Variants in PTPRT observed in about 807,000 individuals in gnomAD.
The protein encoded by PTPRT is protein tyrosine phosphatase receptor type T, also known as receptor-type tyrosine-protein phosphatase T.
Under a neutral mutation model 176.8 loss-of-function variants are expected in PTPRT, and 56 were observed. That is an observed-to-expected ratio of 0.32 (90% confidence interval 0.26 to 0.40). PTPRT has a LOEUF of 0.40. PTPRT is among the 10% of genes least tolerant of loss of function. The pLI is 1.00. For synonymous variants in PTPRT, 783 were observed against 739.0 expected (o/e 1.06, Z -0.96); for missense variants, 1,540 against 1,908.2 (o/e 0.81, Z 3.60).
chr20:42,299,476 G>A (rs1362263577), intron 12 of PTPRT, among the ~76,000 whole-genome samples: 1 of 151,812 alleles, frequency 6.6e-6, no homozygotes, highest in African/African-American at 2.4e-5. Context: ...TAATATTTCT[G>A]GAAATACTTC....
chr20:43,156,325 G>A (rs1215962881), intron 1 of PTPRT, among the ~76,000 whole-genome samples: 1 of 152,166 alleles, frequency 6.6e-6, no homozygotes, highest in Non-Finnish European at 1.5e-5. Context: ...CCATTTTACA[G>A]ATGAGAAAAC....
chr20:43,071,583 C>G (rs190754614), intron 1 of PTPRT, among the ~76,000 whole-genome samples: 43 of 151,920 alleles, frequency 2.8e-4, no homozygotes, highest in Non-Finnish European at 5.9e-4. Flanking sequence ...GTTGGGAGTT[C>G]GAGACCGGCC....
intron 16 of PTPRT, among the ~76,000 whole-genome samples, chr20:42,167,837 C>T (rs1414170860): frequency 6.6e-6 from 1 of 152,208 alleles, no homozygotes; most frequent in African/African-American, 2.4e-5. Flanking sequence ...AAATAAGTTA[C>T]AGCTGACCCT....
At position 43,104,531 on chromosome 20, in the gene PTPRT, T is replaced by A. The variant is rs540647092; in HGVS notation, c.88+85115A>T. ...AAACAGAAATAACACCTGCCTTCCT[T>A]GCAAGGTAATAATATGGTTTAAATG... On this transcript the variant is annotated intron_variant, in intron 1 of 30. Coordinates refer to ENST00000373187, the MANE Select transcript of PTPRT (RefSeq NM_007050.6). Among the ~76,000 whole-genome samples the A allele has an allele frequency of 2.6e-5, 4 of 152,294 alleles. No individual in the cohort carries two copies. The East Asian group carries it at 7.7e-4, about 29-fold the overall frequency.
intron 1 of PTPRT, among the ~76,000 whole-genome samples, chr20:43,161,108 G>A (rs953862853): frequency 7.2e-5 from 11 of 152,134 alleles, no homozygotes; most frequent in South Asian, 2.1e-4. Context: ...AGAAAATCAC[G>A]GCCAGAGGGG....
downstream of PTPRT, among the ~76,000 whole-genome samples, chr20:42,067,889 C>T (rs1453559843): frequency 3.3e-5 from 5 of 151,964 alleles, no homozygotes; most frequent in African/African-American, 7.2e-5. Context: ...AAACCTTAAA[C>T]GAAATTTTTT....
intron 1 of PTPRT, among the ~76,000 whole-genome samples, chr20:43,100,415 G>A (rs557188417): frequency 1.3e-5 from 2 of 152,192 alleles, no homozygotes; most frequent in South Asian, 4.2e-4. Context: ...TACACACAAT[G>A]TAAAATCACT....
Position 42,331,432 on chromosome 20 carries a change from T to A in PTPRT, c.1866-15436A>T, listed in dbSNP as rs78701598. ...TCTCTCTGAACAGTTTTTTTTTTTTTAAATATAATACCATCTGAAATCAAT... is the reference window on the plus strand; with the variant it reads ...TCTCTCTGAACAGTTTTTTTTTTTTAAAATATAATACCATCTGAAATCAAT... On this transcript the variant is annotated intron_variant, in intron 11 of 30. Transcript: ENST00000373187. Among the ~76,000 whole-genome samples, 69 of 141,170 alleles carry A rather than the reference T, an allele frequency of 4.9e-4. 1 individual carries two copies. The highest frequency in any genetic ancestry group is 1.4e-3 in the African/African-American group (52 of 37,774). 92.6% of individuals were successfully genotyped at this position (141,170 alleles called of 152,430 possible).
intron 7 of PTPRT, among the ~76,000 whole-genome samples, chr20:42,506,844 CTA>C (rs1414795732): frequency 6.6e-6 from 1 of 152,106 alleles, no homozygotes; most frequent in Non-Finnish European, 1.5e-5. Context: ...CTCAGTGAGT[CTA>C]TGTTTTCTCA....
chr20:42,930,167 T>C (rs2145970733), intron 1 of PTPRT, among the ~76,000 whole-genome samples: 1 of 152,344 alleles, frequency 6.6e-6, no homozygotes, highest in Admixed American at 6.5e-5. Context: ...ATGAGGAAGA[T>C]GAGCCCTGCT....
chr20:42,317,152 T>G (rs531236486), intron 11 of PTPRT, among the ~76,000 whole-genome samples: 1 of 152,192 alleles, frequency 6.6e-6, no homozygotes, highest in Non-Finnish European at 1.5e-5. Flanking sequence ...TCTGCCTGGA[T>G]GCAGAAACCC....
rs142263291 is a variant in PTPRT at position 42,251,754 on chromosome 20, A to G, written c.2177-2932T>C. Among the ~76,000 whole-genome samples the G allele has an allele frequency of 5.5e-4, 84 of 151,990 alleles. No individual in the cohort carries two copies. In the East Asian group the frequency reaches 0.016, roughly 28 times the overall value. ...AAAAGAAAAGAAATGTAGTATAACC[A>G]GGGCAAGAAAGCAAGGAGGGAAAGA... On this transcript the variant is annotated intron_variant, in intron 13 of 30. Transcript: ENST00000373187.
intron 6 of PTPRT, among the ~76,000 whole-genome samples, chr20:42,729,601 A>G (rs1356240718): frequency 6.6e-6 from 1 of 152,214 alleles, no homozygotes; most frequent in Non-Finnish European, 1.5e-5. Flanking sequence ...AGGTGAGGCC[A>G]TGGCTATATA....
chr20:43,135,475 T>C (rs1454660213), intron 1 of PTPRT, among the ~76,000 whole-genome samples: 1 of 152,188 alleles, frequency 6.6e-6, no homozygotes, highest in East Asian at 1.9e-4. Flanking sequence ...TGAGTCAAAA[T>C]ATTCACATTG....
chr20:42,108,781 C>G (rs1486305976), intron 23 of PTPRT, among the ~76,000 whole-genome samples: 2 of 152,126 alleles, frequency 1.3e-5, no homozygotes, highest in East Asian at 3.8e-4. Flanking sequence ...GGCATTCTCT[C>G]TTAGGCACTT....
rs187258861 is a variant in PTPRT at position 42,320,926 on chromosome 20, C to T, written c.1866-4930G>A. ...GGCAACATCCCACAGCAGGTCACAC[C>T]TGGAAGCCATTTACATCAAAGCACA... is the stretch of plus-strand genomic sequence containing the variant. On this transcript the variant is annotated intron_variant, in intron 11 of 30. Transcript: ENST00000373187. Among the ~76,000 whole-genome samples, 19 of 152,274 alleles carry T rather than the reference C, an allele frequency of 1.2e-4. 1 individual carries two copies. The highest frequency in any genetic ancestry group is 3.4e-4 in the African/African-American group (14 of 41,534).
intron 14 of PTPRT, among the ~76,000 whole-genome samples, chr20:42,240,674 C>A (rs1196141221): frequency 6.6e-6 from 1 of 151,894 alleles, no homozygotes; most frequent in Non-Finnish European, 1.5e-5. Context: ...ATCCATGAAC[C>A]TATCCATGCA....
intron 9 of PTPRT, among the ~76,000 whole-genome samples, chr20:42,355,764 C>T (rs1478084944): frequency 6.6e-6 from 1 of 152,110 alleles, no homozygotes; most frequent in East Asian, 1.9e-4. Flanking sequence ...TCCCCGTCCC[C>T]CTGCTTGGAC....
At chr20:42,595,416 G>T (rs1021318797) in intron 7 of PTPRT, among the ~76,000 whole-genome samples, 6 of 152,048 alleles carry the variant, frequency 3.9e-5, no homozygotes, top group Non-Finnish European at 5.9e-5. Flanking sequence ...GTGACAAGCA[G>T]AAATGGGTCC....
Sources: gnomAD v4.1 joint callset for allele counts (sites outside exome capture counted in the v4.1 genomes callset) on GRCh38, gnomAD v4.1.1 for gene constraint, MANE v1.5 for transcripts, NCBI Gene and HGNC (gene_info 2026-07-23, HGNC 2026-07-21) for gene names.